Variants in SPTB observed in about 807,000 individuals in gnomAD.
SPTB encodes spectrin beta chain, erythrocytic.
SPTB carries 45 observed loss-of-function variants against 256.2 expected under a neutral mutation model. That is an observed-to-expected ratio of 0.18 (90% CI 0.14 to 0.23). SPTB has a LOEUF of 0.23. Among genes scored for constraint, SPTB ranks in the 10% least tolerant of loss-of-function variants. The pLI is 1.00. For missense variants in SPTB, 2,715 were observed against 3,040.4 expected (o/e 0.89, Z 2.52); for synonymous variants, 1,231 against 1,243.1 (o/e 0.99, Z 0.21).
intron 26 of SPTB, among the ~76,000 whole-genome samples, chr14:64,771,804 G>C (rs1250722812): frequency 6.6e-6 from 1 of 152,308 alleles, no homozygotes; most frequent in East Asian, 1.9e-4. Flanking sequence ...TTCCCTAAGA[G>C]GTCCCCTTTT....
rs1405421214 is a variant in SPTB, at chr14:64,782,474, C to G, written c.4082G>C (p.Trp1361Ser). The G allele has an allele frequency of 6.2e-7, 1 of 1,614,052 alleles. No individual in the cohort carries two copies. The highest frequency in any genetic ancestry group is 1.3e-5 in the African/African-American group (1 of 74,936). The change falls in exon 20 of 36, where the codon TGG becomes TCG. Residue 1361 changes from tryptophan to serine, a missense_variant. Trp to Ser is a radical substitution (Grantham distance 177). Around this residue, in one of 4 missense-constraint regions of SPTB, gnomAD observed 2,239 missense variants for 2,384.4 expected, o/e 0.94. Coordinates refer to ENST00000644917, the MANE Select transcript of SPTB (RefSeq NM_001355436.2). ...CTTTGTGGTGGCCTGCAGCTCGTCC[C>G]AGAGCCGGTGCAGGGCTTCCAGCTT... Reference protein sequence around the residue: ...SQKLEALHRLWDELQATTKEK... With the variant: ...SQKLEALHRLSDELQATTKEK...
chr14:64,781,641 G>C (rs926304715), intron 20 of SPTB, among the ~76,000 whole-genome samples: 7 of 152,222 alleles, frequency 4.6e-5, no homozygotes, highest in Non-Finnish European at 1.5e-5. Context: ...TTCAACCATT[G>C]TTGAAAGTGG....
chr14:64,750,982 TATACATTATATATA>T (rs933599230), intron 33 of SPTB, among the ~76,000 whole-genome samples: 5 of 145,548 alleles, frequency 3.4e-5, no homozygotes, highest in African/African-American at 1.0e-4. Flanking sequence ...ATGTATATTT[TATACATTATATATA>T]ATACATTATA....
chr14:64,820,820 A>G (rs1462046684), intron 2 of SPTB, among the ~76,000 whole-genome samples: 1 of 149,500 alleles, frequency 6.7e-6, no homozygotes, highest in Non-Finnish European at 1.5e-5. Flanking sequence ...ACAGGCATGC[A>G]CCACCACGCC....
In SPTB at chr14:64,791,730, A is replaced by C; in HGVS notation, c.2793T>G (p.His931Gln). The C allele has an allele frequency of 1.9e-6, 3 of 1,614,006 alleles. No individual in the cohort carries two copies. In the Middle Eastern group the frequency reaches 4.9e-4, roughly 266 times the overall value. ...TACCCACACCCCACCTGGTGTTCAG[A>C]TGGTCCTGGTACTGCTTCACCTCCC... ...RSREVKQYQD[H>Q]LNTRWQAFQT... The change falls in exon 15 of 36, where the codon CAT (histidine) becomes CAG (glutamine). Residue 931 changes from histidine (H) to glutamine (Q), a missense_variant. Physicochemically the swap from His to Gln is conservative, Grantham distance 24. Coordinates refer to ENST00000644917, the MANE Select transcript of SPTB (RefSeq NM_001355436.2).
intron 1 of SPTB, among the ~76,000 whole-genome samples, chr14:64,872,561 C>G (rs1475007966): frequency 6.6e-6 from 1 of 152,244 alleles, no homozygotes; most frequent in Non-Finnish European, 1.5e-5. Flanking sequence ...GCTTTTCTCT[C>G]CAGCACTGTG....
At chr14:64,813,583 G>A (rs771151756) in intron 2 of SPTB, among the ~76,000 whole-genome samples, 146 of 152,322 alleles carry the variant, frequency 9.6e-4, no homozygotes, top group Non-Finnish European at 1.8e-3. Context: ...GTGCAGTGGT[G>A]CGATCTTGGC....
Position 64,801,794 on chromosome 14 carries a change from T to C in SPTB, c.607A>G (p.Lys203Glu). Residue 203 changes from lysine (K) to glutamate (E), a missense_variant, in exon 6 of 36, where the codon AAG becomes GAG. Around this residue, in one of 4 missense-constraint regions of SPTB, gnomAD observed 416 missense variants for 571.1 expected, o/e 0.73. Coordinates refer to ENST00000644917, the MANE Select transcript of SPTB (RefSeq NM_001355436.2). ...AGGGCATTAAAGGCCAAGCCATCCT[T>C]CCAGCTGGAGGTAAAGTTGGTGACA... ...VNVTNFTSSWKDGLAFNALIH... is the reference protein window; with the variant it reads ...VNVTNFTSSWEDGLAFNALIH... 2 of 1,614,204 alleles carry C rather than the reference T, an allele frequency of 1.2e-6. No individual in the cohort carries two copies.
At chr14:64,830,990 C>T (rs1168248966) in intron 1 of SPTB, among the ~76,000 whole-genome samples, 1 of 152,182 alleles carries the variant, frequency 6.6e-6, no homozygotes, top group Non-Finnish European at 1.5e-5. Context: ...ACATGTATAA[C>T]ATGTTCTCAG....
rs567367723 is a variant in SPTB at position 64,774,397 on chromosome 14, C to T, written c.4973G>A (p.Gly1658Glu). The change falls in exon 24 of 36, where the codon GGG (glycine) becomes GAG (glutamate). Residue 1658 changes from glycine to glutamate, a missense_variant and splice_region_variant. Transcript: ENST00000644917. Reference sequence around the variant, plus strand: ...GAGTCACCACAGGGGGCGCACGCACCCCTCAGGGTGGCCTGCAGACAGCAG... The same window carrying T: ...GAGTCACCACAGGGGGCGCACGCACTCCTCAGGGTGGCCTGCAGACAGCAG... The part of the protein sequence containing the change: ...QGLLSAGHPE[G>E]EQIIRLQGQV... 51 of 1,587,144 alleles carry T rather than the reference C, an allele frequency of 3.2e-5. No individual in the cohort carries two copies. The highest frequency in any genetic ancestry group is 4.3e-5 in the Non-Finnish European group (50 of 1,167,652).
chr14:64,783,070 T>C (rs1210749043), intron 19 of SPTB, among the ~76,000 whole-genome samples: 1 of 152,196 alleles, frequency 6.6e-6, no homozygotes, highest in Non-Finnish European at 1.5e-5. Context: ...TTCCTGAGGT[T>C]GTGCACTAAC....
intron 10 of SPTB, 73 bp downstream of exon 10, chr14:64,797,656 T>C: frequency 8.4e-7 from 1 of 1,190,358 alleles, no homozygotes; most frequent in Admixed American, 1.7e-5. Flanking sequence ...TCTGGTCCAA[T>C]GACCATTCAC....
intron 1 of SPTB, among the ~76,000 whole-genome samples, chr14:64,859,422 A>G (rs927970153): frequency 1.3e-5 from 2 of 152,072 alleles, no homozygotes; most frequent in African/African-American, 4.8e-5. Flanking sequence ...GTTAAATAGT[A>G]TTAAACTATA....
rs564932585 is a variant in SPTB, at chr14:64,783,347, G to A, written c.4003-794C>T. ...CTCCTGAGTAGCTGGGATTACAGGC[G>A]TATGCCACCATGCCCAGATAATTTT... is the stretch of plus-strand genomic sequence containing the variant. On this transcript the variant is annotated intron_variant, in intron 19 of 35. Transcript: ENST00000644917. Among the ~76,000 whole-genome samples the A allele has an allele frequency of 1.7e-3, 264 of 152,106 alleles. 1 individual carries two copies. Among genetic ancestry groups the A allele is most frequent in the African/African-American group, 6.1e-3 (255 of 41,502 alleles).
chr14:64,752,237 T>C (rs925940466), intron 33 of SPTB: 1 of 1,348,326 alleles, frequency 7.4e-7, no homozygotes, highest in African/African-American at 1.5e-5. Flanking sequence ...GCTGCATTTC[T>C]ACAGCAACAG....
At chr14:64,809,989 T>C (rs918679821) in intron 2 of SPTB, among the ~76,000 whole-genome samples, 1 of 152,178 alleles carries the variant, frequency 6.6e-6, no homozygotes, top group African/African-American at 2.4e-5. Context: ...ACAATTTGAA[T>C]TTGTGGGAAA....
chr14:64,804,621 A>C (rs984007676), intron 3 of SPTB, among the ~76,000 whole-genome samples: 18 of 152,166 alleles, frequency 1.2e-4, no homozygotes, highest in Admixed American at 1.2e-3. Context: ...AGAGGGATGC[A>C]TCTTAGCCCG....
intron 29 of SPTB, 33 bp downstream of exon 29, chr14:64,769,001 G>A: frequency 1.9e-6 from 3 of 1,577,590 alleles, no homozygotes; most frequent in Non-Finnish European, 2.6e-6. Context: ...GGGTACTCCT[G>A]CCCCTGGGCC....
At chr14:64,874,462 C>A (rs1269705589) in intron 1 of SPTB, among the ~76,000 whole-genome samples, 1 of 152,170 alleles carries the variant, frequency 6.6e-6, no homozygotes, top group South Asian at 2.1e-4. Context: ...TTTGAATACA[C>A]CTCAATTCTC....
Sources: allele counts gnomAD v4.1 joint callset (sites outside exome capture counted in the v4.1 genomes callset), GRCh38; gene constraint gnomAD v4.1.1; regional missense constraint gnomAD v4.1.1; transcripts MANE v1.5; gene names NCBI Gene and HGNC (gene_info 2026-07-23, HGNC 2026-07-21).